Variants in ADAMTS2 observed in about 807,000 individuals in gnomAD.
ADAMTS2 encodes A disintegrin and metalloproteinase with thrombospondin motifs 2.
Under a neutral mutation model 123.0 loss-of-function variants are expected in ADAMTS2, and 50 were observed. The ratio of observed to expected loss-of-function variants is 0.41; its 90% confidence interval spans 0.32 to 0.51. The LOEUF is 0.51. Among genes scored for constraint, ADAMTS2 ranks in the 20% least tolerant of loss-of-function variants. The pLI, the probability that ADAMTS2 is intolerant of heterozygous loss-of-function variation, is 0.35. For synonymous variants in ADAMTS2, 678 were observed against 695.4 expected (o/e 0.98, Z 0.39); for missense variants, 1,494 against 1,705.2 (o/e 0.88, Z 2.18).
chr5:179,139,713 G>A (rs1052604637), intron 11 of ADAMTS2, among the ~76,000 whole-genome samples, 177 bp downstream of exon 11: 1 of 152,154 alleles, frequency 6.6e-6, no homozygotes, highest in African/African-American at 2.4e-5. Flanking sequence ...AGAGCTAAGC[G>A]TCCCCTGAGC....
intron 5 of ADAMTS2, among the ~76,000 whole-genome samples, chr5:179,176,750 G>T (rs562409343): frequency 1.3e-5 from 2 of 152,328 alleles, no homozygotes; most frequent in East Asian, 1.9e-4. Context: ...GCTTAAAGCT[G>T]CCCTCATGGG....
At chr5:179,278,453 C>T (rs1212283860) in intron 2 of ADAMTS2, among the ~76,000 whole-genome samples, 2 of 152,054 alleles carry the variant, frequency 1.3e-5, no homozygotes, top group East Asian at 3.9e-4. Flanking sequence ...TCTGTTTTTA[C>T]ATGTAATTTT....
At chr5:179,301,010 G>A (rs1756500363) in intron 2 of ADAMTS2, among the ~76,000 whole-genome samples, 1 of 152,126 alleles carries the variant, frequency 6.6e-6, no homozygotes, top group African/African-American at 2.4e-5. Context: ...CCAGTCTGGA[G>A]CCGGCGGCCA....
At chr5:179,145,789 T>G (rs529084417) in intron 10 of ADAMTS2, among the ~76,000 whole-genome samples, 1 of 152,330 alleles carries the variant, frequency 6.6e-6, no homozygotes, top group South Asian at 2.1e-4. Context: ...AGCGCTTGTT[T>G]GTTGTGATGG....
At chr5:179,320,590 T>C (rs1359325872) in intron 2 of ADAMTS2, among the ~76,000 whole-genome samples, 2 of 151,990 alleles carry the variant, frequency 1.3e-5, no homozygotes, top group Non-Finnish European at 1.5e-5. Flanking sequence ...AGTGCTGGGA[T>C]TACAGGCATG....
Position 179,260,347 on chromosome 5 carries a change from C to T in ADAMTS2, c.688+12564G>A, listed in dbSNP as rs1766184403. Reference sequence around the variant, plus strand: ...CACCAACCGTGTGCCAGGCATTCCTCAAAATGCTGCAAATTCCACTGTAAG... The same window carrying T: ...CACCAACCGTGTGCCAGGCATTCCTTAAAATGCTGCAAATTCCACTGTAAG... On this transcript the variant is annotated intron_variant, in intron 3 of 21. Transcript: ENST00000251582. This position sits in a 1 kb window ranked among gnomAD's most constrained non-coding sequence, Gnocchi z 4.2. Among the ~76,000 whole-genome samples the T allele has an allele frequency of 6.6e-6, 1 of 152,224 alleles. No individual in the cohort carries two copies. The highest frequency in any genetic ancestry group is 2.4e-5 in the African/African-American group (1 of 41,460).
chr5:179,217,793 C>A (rs465242), intron 3 of ADAMTS2, among the ~76,000 whole-genome samples: 16,214 of 86,010 alleles, frequency 0.19, 1,617 homozygotes, highest in Admixed American at 0.25. Flanking sequence ...GGGGATGGCG[C>A]AAGGGGGGGA....
chr5:179,257,515 C>T (rs369079812), intron 3 of ADAMTS2, among the ~76,000 whole-genome samples: 37 of 152,322 alleles, frequency 2.4e-4, no homozygotes, highest in African/African-American at 8.7e-4. Flanking sequence ...CCCTCAGTGC[C>T]GCATCCAACA....
chr5:179,209,916 C>A (rs537486379), intron 3 of ADAMTS2, among the ~76,000 whole-genome samples: 33 of 152,226 alleles, frequency 2.2e-4, no homozygotes, highest in Admixed American at 9.8e-4. Flanking sequence ...GGGGAACAGG[C>A]CGGGCGTTAC....
intron 2 of ADAMTS2, among the ~76,000 whole-genome samples, chr5:179,276,402 G>A (rs1766696833): frequency 6.6e-6 from 1 of 152,200 alleles, no homozygotes; most frequent in African/African-American, 2.4e-5. Flanking sequence ...GCGGCAGCGG[G>A]CAAGCTGTCC....
intron 3 of ADAMTS2, among the ~76,000 whole-genome samples, chr5:179,218,461 G>A (rs2113400541): frequency 1.3e-5 from 2 of 152,376 alleles, no homozygotes; most frequent in African/African-American, 4.8e-5. Context: ...CAGAAGGCAG[G>A]CTCAGCCCCA....
intron 2 of ADAMTS2, among the ~76,000 whole-genome samples, chr5:179,297,900 C>T (rs1240354969): frequency 1.3e-5 from 2 of 152,180 alleles, no homozygotes. Flanking sequence ...GCTTCCCCTC[C>T]AGCCACAGGA....
chr5:179,239,979 GA>G (rs953054624), intron 3 of ADAMTS2, among the ~76,000 whole-genome samples: 1 of 152,204 alleles, frequency 6.6e-6, no homozygotes, highest in Non-Finnish European at 1.5e-5. Context: ...GGCACACACA[GA>G]GGCCTGGTCC....
At position 179,332,182 on chromosome 5, in the gene ADAMTS2, A is replaced by T. The variant is rs1174315580; in HGVS notation, c.534+11585T>A. Among the ~76,000 whole-genome samples, 2 of 152,232 alleles carry T rather than the reference A, an allele frequency of 1.3e-5. No homozygotes were observed. Among genetic ancestry groups the T allele is most frequent in the Admixed American group, 1.3e-4 (2 of 15,288 alleles). The stretch of plus-strand genomic sequence containing the variant: ...TTTTACTTACTATTTCCAGTTGATT[A>T]TTAAAGACACAACCCAGGAACAGCT... On this transcript the variant is annotated intron_variant, in intron 2 of 21. Transcript: ENST00000251582. The surrounding 1 kb of genome is among the most constrained non-coding windows in gnomAD (Gnocchi z 4.2).
chr5:179,320,826 G>A (rs1015295815), intron 2 of ADAMTS2, among the ~76,000 whole-genome samples: 3 of 152,194 alleles, frequency 2.0e-5, no homozygotes, highest in African/African-American at 7.2e-5. Context: ...GGAATTGTTG[G>A]AAAGGAAAAG....
intron 3 of ADAMTS2, among the ~76,000 whole-genome samples, chr5:179,210,499 G>A (rs4554197): frequency 0.022 from 3,297 of 152,328 alleles, 99 homozygotes; most frequent in African/African-American, 0.071. Flanking sequence ...ATAATTTTGG[G>A]GTGAAATTTG....
At chr5:179,209,463 G>A (rs910397447) in intron 3 of ADAMTS2, among the ~76,000 whole-genome samples, 123 of 152,064 alleles carry the variant, frequency 8.1e-4, no homozygotes, top group African/African-American at 2.9e-3. Flanking sequence ...AGTACCTTCG[G>A]GGGTCCTTGT....
chr5:179,199,331 C>T (rs372802371), intron 4 of ADAMTS2, among the ~76,000 whole-genome samples: 31 of 152,336 alleles, frequency 2.0e-4, no homozygotes, highest in East Asian at 1.7e-3. Flanking sequence ...GTATTCCCCA[C>T]GGCATCTCAG....
rs2113481621 is a variant in ADAMTS2 at position 179,257,812 on chromosome 5, C to T, written c.688+15099G>A. Among the ~76,000 whole-genome samples the T allele has an allele frequency of 1.3e-5, 2 of 152,356 alleles. 1 individual carries two copies. The highest frequency in any genetic ancestry group is 4.1e-4 in the South Asian group (2 of 4,824). On this transcript the variant is annotated intron_variant, in intron 3 of 21. Coordinates refer to ENST00000251582, the MANE Select transcript of ADAMTS2 (RefSeq NM_014244.5). ...CCCCAGCACTGAGGCCGCCTCCTGACCCCCATCCCGGCCACTGCCCCGGGC... is the reference window on the plus strand; with the variant it reads ...CCCCAGCACTGAGGCCGCCTCCTGATCCCCATCCCGGCCACTGCCCCGGGC...
Sources: allele counts gnomAD v4.1 joint callset (sites outside exome capture counted in the v4.1 genomes callset), GRCh38; gene constraint gnomAD v4.1.1; non-coding constraint Gnocchi (gnomAD v3.1); transcripts MANE v1.5; gene names NCBI Gene and HGNC (gene_info 2026-07-23, HGNC 2026-07-21).